The following TOP6BL variants were observed in gnomAD, a reference collection of about 807,000 sequenced individuals.
TOP6BL encodes the protein TOP6B like initiator of meiotic double strand breaks.
At chr11:66,816,318 G>A in the TOP6BL span, 1 of 1,123,848 alleles carries the variant, frequency 8.9e-7, no homozygotes. Flanking sequence ...TAAGTTCAGT[G>A]AAAAACCTTG....
chr11:66,816,282 A>T, the TOP6BL span: 3 of 1,357,926 alleles, frequency 2.2e-6, no homozygotes, highest in Non-Finnish European at 3.0e-6. Flanking sequence ...CACACATCTA[A>T]ATTAGATATA....
At chr11:66,754,433 G>C in the TOP6BL span, among the ~76,000 whole-genome samples, 1 of 151,706 alleles carries the variant, frequency 6.6e-6, no homozygotes, top group Non-Finnish European at 1.5e-5. Context: ...TCTCCACCTC[G>C]TTCTTGTTTC....
the TOP6BL span, among the ~76,000 whole-genome samples, chr11:66,835,582 C>G: frequency 1.3e-5 from 2 of 152,326 alleles, no homozygotes; most frequent in Non-Finnish European, 2.9e-5. Context: ...TTCCCCTCTC[C>G]CTTCAACCCC....
the TOP6BL span, among the ~76,000 whole-genome samples, chr11:66,831,996 C>CAAAAAAAAAAAA: frequency 4.3e-5 from 2 of 46,646 alleles, no homozygotes; most frequent in African/African-American, 8.5e-5. Context: ...GACTCTGTCT[C>CAAAAAAAAAAAA]AAAAAAAAAA....
chr11:66,748,265 G>A, the TOP6BL span: 3 of 821,096 alleles, frequency 3.7e-6, no homozygotes, highest in Non-Finnish European at 5.5e-6. Context: ...TTAGAAGCAA[G>A]AATACAATTT....
At chr11:66,755,735 G>T in the TOP6BL span, among the ~76,000 whole-genome samples, 1 of 152,150 alleles carries the variant, frequency 6.6e-6, no homozygotes, top group African/African-American at 2.4e-5. Context: ...TGGTTGGTTT[G>T]CTCTGGAGAC....
At chr11:66,828,706 A>G in the TOP6BL span, 1 of 188,360 alleles carries the variant, frequency 5.3e-6, no homozygotes, top group African/African-American at 2.3e-5. Flanking sequence ...TATTCATCCT[A>G]CATTTTTAGT....
the TOP6BL span, among the ~76,000 whole-genome samples, chr11:66,753,945 T>TA: frequency 1.6e-3 from 247 of 152,230 alleles, 1 homozygote; most frequent in African/African-American, 5.8e-3. Context: ...CATCAGGTGA[T>TA]ACGCCCAGCT....
the TOP6BL span, among the ~76,000 whole-genome samples, chr11:66,830,092 C>T: frequency 6.6e-6 from 1 of 152,144 alleles, no homozygotes; most frequent in African/African-American, 2.4e-5. Flanking sequence ...TGTTCAACCA[C>T]AGAAGAATAT....
chr11:66,783,806 T>G, the TOP6BL span, among the ~76,000 whole-genome samples: 4 of 152,266 alleles, frequency 2.6e-5, no homozygotes, highest in Middle Eastern at 3.4e-3. Flanking sequence ...AATTTGGTGG[T>G]TTTTAGTATA....
chr11:66,760,717 T>C, the TOP6BL span, among the ~76,000 whole-genome samples: 1 of 148,456 alleles, frequency 6.7e-6, no homozygotes, highest in Admixed American at 6.7e-5. Context: ...GGTGGGAAGA[T>C]TGCTTGAGCC....
the TOP6BL span, among the ~76,000 whole-genome samples, chr11:66,764,465 A>G: frequency 6.7e-6 from 1 of 150,256 alleles, no homozygotes; most frequent in African/African-American, 2.5e-5. Context: ...AGCCTGGTCA[A>G]CATAGTGAAA....
the TOP6BL span, among the ~76,000 whole-genome samples, chr11:66,752,142 C>CTTTT: frequency 1.5e-5 from 2 of 137,910 alleles, no homozygotes; most frequent in Non-Finnish European, 3.2e-5. Flanking sequence ...CCCTCTCTCT[C>CTTTT]TTTTTTTTTT....
chr11:66,792,015 G>A, the TOP6BL span, among the ~76,000 whole-genome samples: 2 of 152,064 alleles, frequency 1.3e-5, no homozygotes, highest in Non-Finnish European at 2.9e-5. Context: ...GATGGGCTGT[G>A]TTAGCCAGAT....
the TOP6BL span, chr11:66,761,719 T>C: frequency 1.3e-6 from 1 of 791,366 alleles, no homozygotes; most frequent in Non-Finnish European, 2.2e-6. Flanking sequence ...GGTGGTCATA[T>C]AAGGCCCAGT....
chr11:66,808,388 A>G, the TOP6BL span, among the ~76,000 whole-genome samples: 3 of 152,080 alleles, frequency 2.0e-5, no homozygotes, highest in Non-Finnish European at 4.4e-5. Flanking sequence ...TTACCTGTGC[A>G]TGTGTGGTGC....
At chr11:66,779,369 C>T in the TOP6BL span, among the ~76,000 whole-genome samples, 2 of 152,108 alleles carry the variant, frequency 1.3e-5, no homozygotes, top group Admixed American at 1.3e-4. Flanking sequence ...AGACACTTCT[C>T]AAAAGAAGAC....
the TOP6BL span, among the ~76,000 whole-genome samples, chr11:66,801,846 T>C: frequency 6.6e-6 from 1 of 151,768 alleles, no homozygotes; most frequent in East Asian, 1.9e-4. Context: ...AATAAATAAA[T>C]AAAAAATGTA....
At chr11:66,843,140 C>G in the TOP6BL span, 1 of 1,609,038 alleles carries the variant, frequency 6.2e-7, no homozygotes, top group Non-Finnish European at 8.5e-7. Context: ...GCTGAGAGGT[C>G]CTCACCCCGG....
Sources: allele counts gnomAD v4.1 joint callset (sites outside exome capture counted in the v4.1 genomes callset), GRCh38; gene constraint gnomAD v4.1.1; transcripts MANE v1.5; gene names NCBI Gene and HGNC (gene_info 2026-07-23, HGNC 2026-07-21).